Variants in SLC24A3 observed in about 807,000 individuals in gnomAD.
SLC24A3 encodes solute carrier family 24 member 3, also known as sodium/potassium/calcium exchanger 3.
Under a neutral mutation model 75.8 loss-of-function variants are expected in SLC24A3, and 28 were observed. The ratio of observed to expected loss-of-function variants is 0.37; its 90% CI spans 0.27 to 0.51. SLC24A3 has a LOEUF of 0.51. SLC24A3 is among the 20% of genes least tolerant of loss of function. SLC24A3 has a pLI of 0.94. For missense variants in SLC24A3, 663 were observed against 847.8 expected (o/e 0.78, Z 2.71); for synonymous variants, 372 against 334.1 (o/e 1.11, Z -1.24).
chr20:19,679,684 A>G (rs8117550), intron 9 of SLC24A3, among the ~76,000 whole-genome samples: 11,311 of 152,280 alleles, frequency 0.074, 475 homozygotes, highest in Middle Eastern at 0.12. Flanking sequence ...TAAAATTAAT[A>G]CTAATTCCTT....
chr20:19,510,775 A>G (rs1988523787), intron 2 of SLC24A3, among the ~76,000 whole-genome samples: 1 of 152,192 alleles, frequency 6.6e-6, no homozygotes, highest in South Asian at 2.1e-4. Flanking sequence ...TTTATCTCAG[A>G]CTTCCAGCCT....
rs541637003 is a variant in SLC24A3 at position 19,329,228 on chromosome 20, AT to A, written c.271+48151del. 6.8e-3 allele frequency among the ~76,000 whole-genome samples: 1,025 copies of A among 150,536 alleles called. 5 individuals carry two copies. Among genetic ancestry groups the A allele is most frequent in the Middle Eastern group, 0.01 (3 of 290 alleles). On this transcript the variant is annotated intron_variant, in intron 2 of 16. Transcript: ENST00000328041. ...AGTTCATAGGGAAAATGGGAATAAG[AT>A]TTTTTTTTTACTGGTTAGAAATAAA...
At chr20:19,652,221 T>G (rs1048418707) in intron 6 of SLC24A3, among the ~76,000 whole-genome samples, 2 of 152,220 alleles carry the variant, frequency 1.3e-5, no homozygotes, top group African/African-American at 2.4e-5. Context: ...GAAAAAACCC[T>G]TTAGTATTAT....
chr20:19,600,598 A>G (rs1288383411), intron 6 of SLC24A3, among the ~76,000 whole-genome samples: 2 of 152,236 alleles, frequency 1.3e-5, no homozygotes, highest in Non-Finnish European at 2.9e-5. Flanking sequence ...AATTGTAAAT[A>G]TTAGTCATAT....
chr20:19,654,270 G>A (rs906282369), intron 7 of SLC24A3, 134 bp downstream of exon 7: 6 of 756,662 alleles, frequency 7.9e-6, no homozygotes, highest in Admixed American at 7.0e-5. Context: ...CTTGGAGGCA[G>A]ATTTATTTCT....
chr20:19,544,909 C>T (rs1319067487), intron 3 of SLC24A3, among the ~76,000 whole-genome samples: 1 of 152,196 alleles, frequency 6.6e-6, no homozygotes, highest in East Asian at 1.9e-4. Context: ...GATTAGCTTT[C>T]TTATCGGAGC....
chr20:19,668,508 A>T (rs2032427232), intron 8 of SLC24A3, among the ~76,000 whole-genome samples: 1 of 152,222 alleles, frequency 6.6e-6, no homozygotes, highest in South Asian at 2.1e-4. Flanking sequence ...ATTTCAAGGC[A>T]GGTAACCAGT....
intron 7 of SLC24A3, among the ~76,000 whole-genome samples, chr20:19,656,303 G>A (rs1476126114): frequency 6.6e-6 from 1 of 152,074 alleles, no homozygotes; most frequent in Non-Finnish European, 1.5e-5. Context: ...AACAGGAAGG[G>A]AACTGGACCT....
At chr20:19,590,743 C>T (rs1473892548) in intron 6 of SLC24A3, among the ~76,000 whole-genome samples, 3 of 152,188 alleles carry the variant, frequency 2.0e-5, no homozygotes, top group Admixed American at 6.5e-5. Context: ...GGGTTTCTCC[C>T]GGCATCTTCT....
At chr20:19,559,177 A>C (rs2030834598) in intron 3 of SLC24A3, among the ~76,000 whole-genome samples, 1 of 152,206 alleles carries the variant, frequency 6.6e-6, no homozygotes, top group African/African-American at 2.4e-5. Context: ...GAGTGTGTAG[A>C]GGTACCTCAT....
intron 6 of SLC24A3, among the ~76,000 whole-genome samples, chr20:19,586,235 G>A (rs570803533): frequency 2.0e-4 from 30 of 152,274 alleles, no homozygotes; most frequent in Admixed American, 9.8e-4. Flanking sequence ...AGCACCTGGA[G>A]GTTTGTTTGC....
At chr20:19,541,148 T>C (rs1373877531) in intron 3 of SLC24A3, among the ~76,000 whole-genome samples, 1 of 152,192 alleles carries the variant, frequency 6.6e-6, no homozygotes, top group Non-Finnish European at 1.5e-5. Context: ...AGCTTAAACC[T>C]TACAGCAAGA....
chr20:19,688,697 T>C (rs2032709531), intron 12 of SLC24A3, among the ~76,000 whole-genome samples: 2 of 152,236 alleles, frequency 1.3e-5, no homozygotes, highest in South Asian at 4.1e-4. Flanking sequence ...ACCCTGTTTC[T>C]GGCACCCAGC....
chr20:19,383,637 T>G (rs1986222057), intron 2 of SLC24A3, among the ~76,000 whole-genome samples: 1 of 152,192 alleles, frequency 6.6e-6, no homozygotes, highest in Non-Finnish European at 1.5e-5. Flanking sequence ...TCCACTTTTG[T>G]CTTGGTCAGT....
At chr20:19,296,219 T>C (rs531223508) in intron 2 of SLC24A3, among the ~76,000 whole-genome samples, 161 of 152,026 alleles carry the variant, frequency 1.1e-3, no homozygotes, top group African/African-American at 3.8e-3. Context: ...ATTATCATTT[T>C]TTATTGTGTC....
intron 6 of SLC24A3, among the ~76,000 whole-genome samples, chr20:19,647,225 C>T (rs1283657105): frequency 1.3e-5 from 2 of 152,146 alleles, no homozygotes; most frequent in Non-Finnish European, 2.9e-5. Flanking sequence ...TGCCCACTGC[C>T]ATGACTTGGT....
At chr20:19,450,153 T>C (rs1467819661) in intron 2 of SLC24A3, among the ~76,000 whole-genome samples, 1 of 152,200 alleles carries the variant, frequency 6.6e-6, no homozygotes, top group African/African-American at 2.4e-5. Flanking sequence ...GGTCATAGCA[T>C]ACTCCTTTTC....
rs6112471 is a variant in SLC24A3 at position 19,581,994 on chromosome 20, C to T, written c.423+1920C>T. On this transcript the variant is annotated intron_variant, in intron 4 of 16. Coordinates refer to ENST00000328041, the MANE Select transcript of SLC24A3 (RefSeq NM_020689.4). Reference sequence around the variant, plus strand: ...ATTCATATAACAAGAGTGGGTGCCCCGTGCCTGTCTCCTGGAAAGACAATG... The same window carrying T: ...ATTCATATAACAAGAGTGGGTGCCCTGTGCCTGTCTCCTGGAAAGACAATG... Among the ~76,000 whole-genome samples the T allele has an allele frequency of 6.2e-4, 95 of 152,308 alleles. 2 individuals are homozygous for T. The highest frequency in any genetic ancestry group is 6.2e-3 in the South Asian group (30 of 4,826).
intron 6 of SLC24A3, among the ~76,000 whole-genome samples, chr20:19,653,850 A>G (rs1338972885): frequency 6.6e-6 from 1 of 152,198 alleles, no homozygotes; most frequent in Admixed American, 6.5e-5. Flanking sequence ...GTTTCCCGCT[A>G]ACAAAATTGT....
Sources: allele counts gnomAD v4.1 joint callset (sites outside exome capture counted in the v4.1 genomes callset), GRCh38; gene constraint gnomAD v4.1.1; transcripts MANE v1.5; gene names NCBI Gene and HGNC (gene_info 2026-07-23, HGNC 2026-07-21).